The following ZNF385B variants were observed in gnomAD, a reference collection of about 807,000 sequenced individuals.
ZNF385B encodes zinc finger protein 385B, also known as zinc finger protein 533.
A neutral mutation model predicts 39.2 loss-of-function variants in ZNF385B; 23 were observed. The observed-to-expected ratio is 0.59, with a 90% CI of 0.42 to 0.83. The LOEUF (loss-of-function observed/expected upper bound fraction) is 0.83. Among genes scored for constraint, ZNF385B ranks in the 40% least tolerant of loss-of-function variants. The pLI is 0.00. For missense variants in ZNF385B, 552 were observed against 598.9 expected (o/e 0.92, Z 0.82); for synonymous variants, 205 against 222.6 (o/e 0.92, Z 0.70).
chr2:179,559,814 C>A (rs1388057862), intron 3 of ZNF385B, among the ~76,000 whole-genome samples: 2 of 151,994 alleles, frequency 1.3e-5, no homozygotes, highest in Non-Finnish European at 2.9e-5. Context: ...TTCTAACATA[C>A]AAAATATATT....
At chr2:179,458,737 G>A (rs1185540930) in intron 6 of ZNF385B, among the ~76,000 whole-genome samples, 1 of 152,180 alleles carries the variant, frequency 6.6e-6, no homozygotes, top group African/African-American at 2.4e-5. Flanking sequence ...AGAAGGCACT[G>A]ATTTAAATCC....
intron 1 of ZNF385B, among the ~76,000 whole-genome samples, chr2:179,801,239 C>T (rs774516558): frequency 3.3e-5 from 5 of 152,036 alleles, no homozygotes; most frequent in African/African-American, 7.2e-5. Flanking sequence ...TAGCTGCTCA[C>T]GGAGGCCTTG....
At chr2:179,722,935 G>A (rs1700784625) in intron 3 of ZNF385B, among the ~76,000 whole-genome samples, 2 of 152,006 alleles carry the variant, frequency 1.3e-5, no homozygotes, top group African/African-American at 4.8e-5. Context: ...AAACACAAAT[G>A]GCCAAAAAAC....
At chr2:179,581,749 G>A (rs1686545717) in intron 3 of ZNF385B, among the ~76,000 whole-genome samples, 1 of 152,174 alleles carries the variant, frequency 6.6e-6, no homozygotes, top group South Asian at 2.1e-4. Context: ...ACATGACTGG[G>A]TTCTGGCCAA....
chr2:179,494,367 T>G (rs1298864777), intron 5 of ZNF385B, among the ~76,000 whole-genome samples: 2 of 152,112 alleles, frequency 1.3e-5, no homozygotes, highest in African/African-American at 4.8e-5. Flanking sequence ...CAACCATGTG[T>G]GTACAGTGGA....
At chr2:179,487,035 C>G (rs151279118) in intron 5 of ZNF385B, among the ~76,000 whole-genome samples, 3 of 152,354 alleles carry the variant, frequency 2.0e-5, no homozygotes, top group African/African-American at 7.2e-5. Context: ...AATAGTGCAG[C>G]GTTACTTTAG....
chr2:179,458,486 C>T (rs995585904), intron 6 of ZNF385B, among the ~76,000 whole-genome samples: 1 of 152,110 alleles, frequency 6.6e-6, no homozygotes, highest in Non-Finnish European at 1.5e-5. Flanking sequence ...ATTACAGGCA[C>T]GTCTTGTAGA....
intron 3 of ZNF385B, among the ~76,000 whole-genome samples, chr2:179,648,979 G>A (rs1037109470): frequency 6.6e-6 from 1 of 152,142 alleles, no homozygotes; most frequent in Non-Finnish European, 1.5e-5. Flanking sequence ...TGGTAGAAAA[G>A]CCTGGAAAAT....
At position 179,544,980 on chromosome 2, in the gene ZNF385B, C is replaced by T. The variant is rs1414202918; in HGVS notation, c.299-11G>A. ...TGTGGCATGTACTGCCTGCCAAGAA[C>T]AAAACAAAAATGAATTCAATTTCTT... On this transcript the variant is annotated splice_polypyrimidine_tract_variant and intron_variant, in intron 3 of 9. Coordinates refer to ENST00000410066, the MANE Select transcript of ZNF385B (RefSeq NM_152520.6). 6.2e-7 allele frequency: 1 copy of T among 1,613,550 alleles called. No homozygotes were observed. The highest frequency in any genetic ancestry group is 1.7e-4 in the Middle Eastern group (1 of 6,052).
At chr2:179,834,539 G>A (rs973407906) in intron 1 of ZNF385B, among the ~76,000 whole-genome samples, 3 of 152,050 alleles carry the variant, frequency 2.0e-5, no homozygotes, top group Non-Finnish European at 2.9e-5. Context: ...AACGAAAGAC[G>A]GGGGGAAAGT....
chr2:179,614,018 C>T (rs1689520912), intron 3 of ZNF385B, among the ~76,000 whole-genome samples: 1 of 152,126 alleles, frequency 6.6e-6, no homozygotes. Context: ...AATGCAAAGT[C>T]CTATATCACT....
At chr2:179,849,178 C>T (rs1708952102) in intron 1 of ZNF385B, among the ~76,000 whole-genome samples, 1 of 152,354 alleles carries the variant, frequency 6.6e-6, no homozygotes, top group South Asian at 2.1e-4. Context: ...CCCAACACTG[C>T]TTCCCTTATC....
At chr2:179,842,292 A>G (rs1708576500) in intron 1 of ZNF385B, among the ~76,000 whole-genome samples, 1 of 152,210 alleles carries the variant, frequency 6.6e-6, no homozygotes, top group Admixed American at 6.5e-5. Context: ...ACACTATTCT[A>G]TGAAACTGAA....
intron 3 of ZNF385B, among the ~76,000 whole-genome samples, chr2:179,761,946 G>A (rs1559171407): frequency 6.6e-6 from 1 of 151,754 alleles, no homozygotes; most frequent in Non-Finnish European, 1.5e-5. Context: ...TTTTGAATAA[G>A]AGAATTGAGA....
intron 3 of ZNF385B, among the ~76,000 whole-genome samples, chr2:179,577,816 G>A (rs1236012527): frequency 6.6e-6 from 1 of 151,158 alleles, no homozygotes; most frequent in Non-Finnish European, 1.5e-5. Flanking sequence ...AAAAAATACT[G>A]ATGACTATGA....
chr2:179,550,994 A>C (rs2060526489), intron 3 of ZNF385B, among the ~76,000 whole-genome samples: 1 of 152,112 alleles, frequency 6.6e-6, no homozygotes, highest in Non-Finnish European at 1.5e-5. Context: ...AAGGTGATAC[A>C]ATATACCCAT....
intron 3 of ZNF385B, among the ~76,000 whole-genome samples, chr2:179,566,276 C>G (rs976225654): frequency 2.6e-5 from 4 of 152,156 alleles, no homozygotes; most frequent in Admixed American, 2.6e-4. Flanking sequence ...AATCCAGAAG[C>G]ATTTTTCATG....
chr2:179,713,738 C>T (rs1208626537), intron 3 of ZNF385B, among the ~76,000 whole-genome samples: 1 of 152,122 alleles, frequency 6.6e-6, no homozygotes, highest in Non-Finnish European at 1.5e-5. Context: ...TGAATAAATG[C>T]ATGTTATAAA....
chr2:179,812,438 C>T (rs1706794683), intron 1 of ZNF385B, among the ~76,000 whole-genome samples: 9 of 152,134 alleles, frequency 5.9e-5, no homozygotes, highest in Admixed American at 5.9e-4. Flanking sequence ...GGTACACATA[C>T]ATCATGGAAT....
Sources: gnomAD v4.1 joint callset for allele counts (sites outside exome capture counted in the v4.1 genomes callset) on GRCh38, gnomAD v4.1.1 for gene constraint, MANE v1.5 for transcripts, NCBI Gene and HGNC (gene_info 2026-07-23, HGNC 2026-07-21) for gene names.